TMEM132B: variants seen among roughly 807,000 people sequenced by gnomAD.
The protein encoded by TMEM132B is transmembrane protein 132B.
A neutral mutation model predicts 90.8 loss-of-function variants in TMEM132B; 18 were observed. The observed-to-expected ratio is 0.20, with a 90% CI of 0.14 to 0.29. TMEM132B has a LOEUF of 0.29. Ranked by LOEUF, TMEM132B falls within the 10% of genes least tolerant of loss-of-function variation. TMEM132B has a pLI of 1.00. For synonymous variants in TMEM132B, 504 were observed against 523.3 expected, an observed-to-expected ratio of 0.96 and a Z score of 0.50; for missense variants, 1,096 against 1,326.8, an observed-to-expected ratio of 0.83 and a Z score of 2.70.
chr12:125,237,931 T>A (rs1873972930), intron 1 of TMEM132B, among the ~76,000 whole-genome samples: 1 of 152,166 alleles, frequency 6.6e-6, no homozygotes, highest in African/African-American at 2.4e-5. Context: ...CCTCCGCTGG[T>A]TCCTTAGAGG....
intron 1 of TMEM132B, among the ~76,000 whole-genome samples, chr12:125,270,966 A>C (rs1874823991): frequency 6.7e-6 from 1 of 149,640 alleles, no homozygotes; most frequent in South Asian, 2.1e-4. Context: ...TTTTTTCCCG[A>C]AAGAGATAGG....
In TMEM132B at chr12:125,241,073, T is replaced by C. The variant is rs553382800; in HGVS notation, c.67+54207T>C. Among the ~76,000 whole-genome samples, 3 of 152,282 alleles carry C rather than the reference T, an allele frequency of 2.0e-5. No individual in the cohort carries two copies. The South Asian group carries it at 6.2e-4, about 32-fold the overall frequency. Reference sequence around the variant, plus strand: ...GCCACGGGTCCTTTTAGTAGTTAGATGAAGTTGTCTGAGAAAAATGTCTTT... The same window carrying C: ...GCCACGGGTCCTTTTAGTAGTTAGACGAAGTTGTCTGAGAAAAATGTCTTT... On this transcript the variant is annotated intron_variant, in intron 1 of 8. Coordinates refer to ENST00000682704, the MANE Select transcript of TMEM132B (RefSeq NM_001366854.1).
At chr12:125,456,809 C>A (rs775851327) in intron 3 of TMEM132B, among the ~76,000 whole-genome samples, 84 of 152,174 alleles carry the variant, frequency 5.5e-4, no homozygotes, top group Non-Finnish European at 1.1e-3. Context: ...ACCTGTGGAC[C>A]CCCAAACCTT....
intron 1 of TMEM132B, among the ~76,000 whole-genome samples, chr12:125,314,005 T>C (rs1055493460): frequency 6.6e-6 from 1 of 151,926 alleles, no homozygotes; most frequent in Non-Finnish European, 1.5e-5. Context: ...CAAATACAGA[T>C]TGAACTCAAA....
At chr12:125,614,647 TA>T (rs1393948635) in intron 5 of TMEM132B, among the ~76,000 whole-genome samples, 2 of 152,136 alleles carry the variant, frequency 1.3e-5, no homozygotes, top group African/African-American at 4.8e-5. Context: ...GGCAAAGCTG[TA>T]GAAAAAAGAG....
intron 3 of TMEM132B, among the ~76,000 whole-genome samples, chr12:125,422,037 TAATA>T (rs1880183177): frequency 6.6e-6 from 1 of 152,248 alleles, no homozygotes; most frequent in Non-Finnish European, 1.5e-5. Flanking sequence ...ACAGAACATG[TAATA>T]TGTCTTTGAG....
At chr12:125,290,374 G>T (rs538646988) in intron 1 of TMEM132B, among the ~76,000 whole-genome samples, 67 of 152,254 alleles carry the variant, frequency 4.4e-4, no homozygotes, top group Middle Eastern at 3.4e-3. Flanking sequence ...CCCAACCGAG[G>T]AAATAAAGCC....
intron 1 of TMEM132B, among the ~76,000 whole-genome samples, chr12:125,282,039 AAAAAAAAAAAAAAAAAAAAAAG>A (rs1875200700): frequency 1.9e-5 from 2 of 102,864 alleles, no homozygotes; most frequent in Admixed American, 9.5e-5. Context: ...AAAAAAAAAA[AAAAAAAAAAAAAAAAAAAAAAG>A]AGAGACTTTT....
At chr12:125,591,187 C>T (rs774657837) in intron 5 of TMEM132B, among the ~76,000 whole-genome samples, 4 of 152,034 alleles carry the variant, frequency 2.6e-5, no homozygotes, top group Non-Finnish European at 4.4e-5. Flanking sequence ...TTTTTTAATC[C>T]GTATCACCTG....
chr12:125,242,965 G>T (rs1362249210), intron 1 of TMEM132B, among the ~76,000 whole-genome samples: 1 of 147,224 alleles, frequency 6.8e-6, no homozygotes, highest in East Asian at 2.0e-4. Flanking sequence ...TAGAATCGGG[G>T]TACATGTGCA....
rs546589513 is a variant in TMEM132B, at chr12:125,186,431, AGGCGGCGGC to A, written c.-355_-347del. Among the ~76,000 whole-genome samples, 260 of 144,524 alleles carry A rather than the reference AGGCGGCGGC, an allele frequency of 1.8e-3. No homozygotes were observed. The highest frequency in any genetic ancestry group is 2.4e-3 in the Non-Finnish European group (155 of 65,372). The allele number at this position is 144,524 out of a possible 152,430, so 94.8% of individuals were successfully genotyped here. On this transcript the variant is annotated 5_prime_UTR_variant, in exon 1 of 9. Coordinates refer to ENST00000682704, the MANE Select transcript of TMEM132B (RefSeq NM_001366854.1). This position sits in a 1 kb window ranked among gnomAD's most constrained non-coding sequence, Gnocchi z 6.3. ...GGCGGCCGGCAGATGGCGATGGCAG[AGGCGGCGGC>A]GGCGGCGGCGGCGCGACCGGGATGG...
intron 4 of TMEM132B, among the ~76,000 whole-genome samples, chr12:125,543,140 G>T (rs996648992): frequency 5.9e-5 from 9 of 152,084 alleles, no homozygotes; most frequent in African/African-American, 2.2e-4. Flanking sequence ...TCATTTCTAG[G>T]CTCTACTTTT....
At chr12:125,268,589 G>A (rs1036586273) in intron 1 of TMEM132B, among the ~76,000 whole-genome samples, 1 of 152,172 alleles carries the variant, frequency 6.6e-6, no homozygotes, top group African/African-American at 2.4e-5. Context: ...ATGTGACTAT[G>A]TTAAAAAGAA....
At chr12:125,600,053 G>A (rs1467537231) in intron 5 of TMEM132B, among the ~76,000 whole-genome samples, 1 of 152,110 alleles carries the variant, frequency 6.6e-6, no homozygotes, top group African/African-American at 2.4e-5. Context: ...CAAGGAGTTT[G>A]GGTTTTATGC....
At chr12:125,569,111 T>A (rs1004195121) in intron 4 of TMEM132B, among the ~76,000 whole-genome samples, 5 of 152,116 alleles carry the variant, frequency 3.3e-5, no homozygotes, top group African/African-American at 1.2e-4. Flanking sequence ...TCTTTCTGTC[T>A]CAGTGTCTAT....
intron 1 of TMEM132B, among the ~76,000 whole-genome samples, chr12:125,255,566 T>C (rs1191014926): frequency 1.3e-5 from 2 of 152,188 alleles, no homozygotes; most frequent in Non-Finnish European, 2.9e-5. Context: ...CTCCACCATA[T>C]TAAAGGATCT....
At chr12:125,463,458 AT>A (rs1326310359) in intron 3 of TMEM132B, among the ~76,000 whole-genome samples, 1 of 152,066 alleles carries the variant, frequency 6.6e-6, no homozygotes, top group Non-Finnish European at 1.5e-5. Context: ...AACTATTCAC[AT>A]TTTTCATTTA....
Position 125,186,630 on chromosome 12 carries a change from G to C in TMEM132B, c.-170G>C, listed in dbSNP as rs557043750. Among the ~76,000 whole-genome samples the C allele has an allele frequency of 1.3e-3, 194 of 146,884 alleles. 1 individual carries two copies. The highest frequency in any genetic ancestry group is 8.0e-3 in the Admixed American group (118 of 14,806). On this transcript the variant is annotated 5_prime_UTR_variant, in exon 1 of 9. Transcript: ENST00000682704. This position sits in a 1 kb window ranked among gnomAD's most constrained non-coding sequence, Gnocchi z 6.3. ...CAGGAGAGCGCGCAGAGGCGCAGCC[G>C]AGGAAGCGCCGCCAGCGCCGGCGCA...
intron 3 of TMEM132B, among the ~76,000 whole-genome samples, chr12:125,443,222 A>T (rs571532893): frequency 6.6e-6 from 1 of 152,338 alleles, no homozygotes; most frequent in South Asian, 2.1e-4. Flanking sequence ...TACACATAGC[A>T]GGAGACCCAG....
Sources: gnomAD v4.1 joint callset for allele counts (sites outside exome capture counted in the v4.1 genomes callset) on GRCh38, gnomAD v4.1.1 for gene constraint, Gnocchi (gnomAD v3.1) non-coding constraint, MANE v1.5 for transcripts, NCBI Gene and HGNC (gene_info 2026-07-23, HGNC 2026-07-21) for gene names.